KCNAB1: variants seen among roughly 807,000 people sequenced by gnomAD.
KCNAB1 encodes voltage-gated potassium channel subunit beta-1.
In KCNAB1, 35 loss-of-function variants were observed where a neutral mutation model predicts 64.6. That is an observed-to-expected ratio of 0.54 (90% confidence interval 0.41 to 0.72). KCNAB1 has a LOEUF of 0.72. Ranked by LOEUF, KCNAB1 falls within the 30% of genes least tolerant of loss-of-function variation. The pLI is 0.00. For synonymous variants in KCNAB1, 177 were observed against 183.8 expected (o/e 0.96, Z 0.30); for missense variants, 401 against 512.9 (o/e 0.78, Z 2.11).
intron 1 of KCNAB1, among the ~76,000 whole-genome samples, chr3:156,274,980 C>A (rs1436887357): frequency 1.3e-5 from 2 of 152,166 alleles, no homozygotes; most frequent in African/African-American, 2.4e-5. Context: ...AGCGATCTTG[C>A]GTAACAGAAC....
intron 8 of KCNAB1, among the ~76,000 whole-genome samples, chr3:156,513,065 AGCCGGGTGTGGT>A (rs1405361380): frequency 6.6e-6 from 1 of 152,204 alleles, no homozygotes; most frequent in Admixed American, 6.5e-5. Context: ...ACAAAAAGTT[AGCCGGGTGTGGT>A]GGCGGGCACC....
At chr3:156,465,949 G>T (rs1425449130) in intron 7 of KCNAB1, among the ~76,000 whole-genome samples, 1 of 152,068 alleles carries the variant, frequency 6.6e-6, no homozygotes, top group East Asian at 1.9e-4. Flanking sequence ...ATTCTCATAA[G>T]ACTTTTTAAA....
chr3:156,303,571 G>T (rs1375206426), intron 1 of KCNAB1, among the ~76,000 whole-genome samples: 1 of 152,160 alleles, frequency 6.6e-6, no homozygotes, highest in African/African-American at 2.4e-5. Flanking sequence ...CAAAGCATGG[G>T]TTAGAATGCA....
At chr3:156,251,273 C>T (rs1717814482) in intron 1 of KCNAB1, among the ~76,000 whole-genome samples, 1 of 152,144 alleles carries the variant, frequency 6.6e-6, no homozygotes. Context: ...GGGCTTTAAA[C>T]CAAAGTCCTG....
intron 1 of KCNAB1, among the ~76,000 whole-genome samples, chr3:156,148,084 T>C (rs1231851287): frequency 6.6e-6 from 1 of 152,156 alleles, no homozygotes; most frequent in Non-Finnish European, 1.5e-5. Context: ...ACTTGCTTAG[T>C]CCTGCTGCTT....
chr3:156,123,687 G>A (rs1713480483), intron 1 of KCNAB1, among the ~76,000 whole-genome samples: 1 of 152,202 alleles, frequency 6.6e-6, no homozygotes, highest in Non-Finnish European at 1.5e-5. Flanking sequence ...CTGTGATACT[G>A]ATTTTTTTAG....
At chr3:156,308,934 C>A (rs1721692580) in intron 1 of KCNAB1, among the ~76,000 whole-genome samples, 1 of 152,224 alleles carries the variant, frequency 6.6e-6, no homozygotes, top group Non-Finnish European at 1.5e-5. Context: ...GGCACACACA[C>A]TTGTACTGAT....
At chr3:156,442,938 G>C (rs980454607) in intron 2 of KCNAB1, among the ~76,000 whole-genome samples, 1 of 152,210 alleles carries the variant, frequency 6.6e-6, no homozygotes, top group Non-Finnish European at 1.5e-5. Flanking sequence ...GTGGGACTGA[G>C]AGAATTTGAG....
intron 1 of KCNAB1, among the ~76,000 whole-genome samples, chr3:156,312,727 A>AAAAAAAAAAAAAAAAC (rs1560189796): frequency 1.3e-5 from 2 of 150,932 alleles, no homozygotes. Flanking sequence ...AAAAAAAAAA[A>AAAAAAAAAAAAAAAAC]AAAACTCATA....
At chr3:156,292,600 C>T (rs1254425873) in intron 1 of KCNAB1, among the ~76,000 whole-genome samples, 2 of 152,166 alleles carry the variant, frequency 1.3e-5, no homozygotes, top group African/African-American at 4.8e-5. Flanking sequence ...TGCAGTGGTG[C>T]GATCTGGGCT....
intron 1 of KCNAB1, among the ~76,000 whole-genome samples, chr3:156,231,536 T>C (rs1716531470): frequency 8.0e-6 from 1 of 125,230 alleles, no homozygotes; most frequent in South Asian, 3.1e-4. Flanking sequence ...TTCTCCCTTC[T>C]TCCCTTCTTC....
chr3:156,137,718 T>G lies in KCNAB1; in HGVS notation c.275+16832T>G, dbSNP rs540606462. Among the ~76,000 whole-genome samples the G allele has an allele frequency of 1.3e-3, 200 of 150,948 alleles. No homozygotes were observed. In the South Asian group the frequency reaches 0.017, roughly 13 times the overall value. On this transcript the variant is annotated intron_variant, in intron 1 of 13. Transcript: ENST00000490337. ...CCGCTACCACGTCTGGCTAATTTTT[T>G]TTTTTTTTTGTATTTTTAGTAGAGA...
chr3:156,191,072 A>G (rs961982810), intron 1 of KCNAB1, among the ~76,000 whole-genome samples: 9 of 152,388 alleles, frequency 5.9e-5, no homozygotes, highest in Admixed American at 4.6e-4. Flanking sequence ...TCATAATTTG[A>G]GGATGTTTGT....
chr3:156,523,332 A>G (rs1718079877), intron 11 of KCNAB1, among the ~76,000 whole-genome samples: 1 of 152,264 alleles, frequency 6.6e-6, no homozygotes. Flanking sequence ...ATAAGAGATT[A>G]GCAGTGAATT....
At chr3:156,390,533 T>TTTCC (rs149026130) in intron 1 of KCNAB1, among the ~76,000 whole-genome samples, 54 of 150,942 alleles carry the variant, frequency 3.6e-4, no homozygotes, top group African/African-American at 6.9e-4. Context: ...TTGTGGTTGG[T>TTTCC]TTCCTTCCTT....
intron 1 of KCNAB1, among the ~76,000 whole-genome samples, chr3:156,333,608 T>C (rs1271886369): frequency 3.9e-5 from 6 of 152,174 alleles, no homozygotes; most frequent in Non-Finnish European, 8.8e-5. Context: ...GCACAACACA[T>C]GCATTTTTGT....
chr3:156,274,659 CA>C (rs1719236331), intron 1 of KCNAB1, among the ~76,000 whole-genome samples: 1 of 152,056 alleles, frequency 6.6e-6, no homozygotes, highest in South Asian at 2.1e-4. Context: ...CAAACTCTAC[CA>C]TTAAGTAGTT....
intron 1 of KCNAB1, among the ~76,000 whole-genome samples, chr3:156,336,444 G>A (rs1236023815): frequency 6.6e-6 from 1 of 152,134 alleles, no homozygotes; most frequent in Non-Finnish European, 1.5e-5. Context: ...AATGTATGGA[G>A]AATAACAACA....
intron 1 of KCNAB1, among the ~76,000 whole-genome samples, chr3:156,204,600 G>A (rs1369313747): frequency 6.6e-6 from 1 of 151,776 alleles, no homozygotes; most frequent in African/African-American, 2.4e-5. Context: ...GGAGGCCGAG[G>A]CGGGTGGATC....
Sources: allele counts gnomAD v4.1 joint callset (sites outside exome capture counted in the v4.1 genomes callset), GRCh38; gene constraint gnomAD v4.1.1; transcripts MANE v1.5; gene names NCBI Gene and HGNC (gene_info 2026-07-23, HGNC 2026-07-21).